MECOM: variants seen among roughly 807,000 people sequenced by gnomAD.
The protein encoded by MECOM is MDS1 and EVI1 complex locus.
In MECOM, 13 loss-of-function variants were observed where a neutral mutation model predicts 116.3. The observed-to-expected ratio is 0.11, with a 90% CI of 0.07 to 0.18. The LOEUF (loss-of-function observed/expected upper bound fraction) is 0.18. Ranked by LOEUF, MECOM falls within the 10% of genes least tolerant of loss-of-function variation. MECOM has a pLI of 1.00. For missense variants in MECOM, 1,299 were observed against 1,509.0 expected, an observed-to-expected ratio of 0.86 and a Z score of 2.31; for synonymous variants, 528 against 535.2, an observed-to-expected ratio of 0.99 and a Z score of 0.19.
intron 12 of MECOM, among the ~76,000 whole-genome samples, chr3:169,099,804 G>A (rs924710589): frequency 6.6e-6 from 1 of 151,928 alleles, no homozygotes; most frequent in Non-Finnish European, 1.5e-5. Flanking sequence ...TGTGTGCAAG[G>A]CATTGAACAT....
intron 15 of MECOM, 122 bp downstream of exon 15, chr3:169,089,878 C>A: frequency 7.0e-7 from 1 of 1,430,038 alleles, no homozygotes; most frequent in Non-Finnish European, 9.3e-7. Context: ...CACCATGTAT[C>A]CCTTACTAAT....
At chr3:169,240,941 G>A (rs1754719395) in intron 2 of MECOM, among the ~76,000 whole-genome samples, 1 of 152,116 alleles carries the variant, frequency 6.6e-6, no homozygotes, top group African/African-American at 2.4e-5. Flanking sequence ...TGCCCTCTCC[G>A]TGTGGACCTG....
chr3:169,408,268 T>C (rs182833441), intron 1 of MECOM, among the ~76,000 whole-genome samples: 37 of 152,300 alleles, frequency 2.4e-4, no homozygotes, highest in Admixed American at 2.0e-3. Context: ...GATGAGCACC[T>C]TTGAACTCTA....
At chr3:169,150,697 A>G (rs1337880952) in intron 2 of MECOM, among the ~76,000 whole-genome samples, 1 of 152,184 alleles carries the variant, frequency 6.6e-6, no homozygotes, top group Non-Finnish European at 1.5e-5. Context: ...TTTTAAAAAC[A>G]TTTTTCCAGA....
chr3:169,401,809 A>G (rs896415720), intron 1 of MECOM, among the ~76,000 whole-genome samples: 7 of 152,228 alleles, frequency 4.6e-5, no homozygotes, highest in Non-Finnish European at 1.0e-4. Flanking sequence ...ATTCCTCAGT[A>G]TTGTCTGACT....
In MECOM at chr3:169,550,010, G is replaced by A. The variant is rs575817850; in HGVS notation, c.37+113326C>T. ...AGGAAAGGTGAGAAATCTCCATACG[G>A]ATTGGAAAGATAAGGGGAAAATAAG... On this transcript the variant is annotated intron_variant, in intron 1 of 16. Transcript: ENST00000651503. Among the ~76,000 whole-genome samples the A allele has an allele frequency of 2.0e-5, 3 of 152,240 alleles. 1 individual carries two copies. The South Asian group carries it at 6.2e-4, about 32-fold the overall frequency.
At chr3:169,228,850 T>C (rs1577402487) in intron 2 of MECOM, among the ~76,000 whole-genome samples, 1 of 152,180 alleles carries the variant, frequency 6.6e-6, no homozygotes, top group East Asian at 1.9e-4. Flanking sequence ...GTTTAAGGCT[T>C]TTTATGCTTT....
chr3:169,219,653 T>A (rs1751865866), intron 2 of MECOM, among the ~76,000 whole-genome samples: 1 of 152,246 alleles, frequency 6.6e-6, no homozygotes, highest in South Asian at 2.1e-4. Context: ...GCTACATATG[T>A]AGGGGTGGGT....
chr3:169,380,707 G>A (rs1030298105), intron 2 of MECOM, among the ~76,000 whole-genome samples: 19 of 152,056 alleles, frequency 1.2e-4, no homozygotes, highest in African/African-American at 4.3e-4. Flanking sequence ...TATCAAAAGA[G>A]AGGCAAAATA....
intron 10 of MECOM, among the ~76,000 whole-genome samples, chr3:169,103,569 C>G (rs1403590414): frequency 6.6e-6 from 1 of 152,168 alleles, no homozygotes; most frequent in Non-Finnish European, 1.5e-5. Context: ...CACATAAGAA[C>G]TGAGATGATC....
intron 2 of MECOM, among the ~76,000 whole-genome samples, chr3:169,208,895 C>CA (rs11377362): frequency 0.21 from 27,578 of 133,982 alleles, 2,651 homozygotes; most frequent in East Asian, 0.32. Flanking sequence ...CAATCGTAAG[C>CA]AAAAAAAAAA....
intron 1 of MECOM, among the ~76,000 whole-genome samples, chr3:169,430,841 G>T (rs935943248): frequency 2.6e-5 from 4 of 152,118 alleles, no homozygotes; most frequent in Admixed American, 2.0e-4. Flanking sequence ...GTTTACCTTT[G>T]CTTTCATTTC....
intron 1 of MECOM, among the ~76,000 whole-genome samples, chr3:169,543,847 A>G (rs1344924435): frequency 2.0e-5 from 3 of 152,090 alleles, no homozygotes; most frequent in Non-Finnish European, 4.4e-5. Context: ...ACTTGAGGGG[A>G]AAAAATCAGT....
intron 1 of MECOM, among the ~76,000 whole-genome samples, chr3:169,627,917 A>G (rs1487017910): frequency 6.6e-6 from 1 of 152,232 alleles, no homozygotes; most frequent in African/African-American, 2.4e-5. Context: ...AGATTTGAGC[A>G]GTGCTGTGGT....
intron 2 of MECOM, among the ~76,000 whole-genome samples, chr3:169,224,180 G>A (rs192574553): frequency 4.6e-5 from 7 of 152,220 alleles, no homozygotes; most frequent in African/African-American, 1.2e-4. Flanking sequence ...GATAGAGAAC[G>A]TCAGCTCCTG....
intron 1 of MECOM, among the ~76,000 whole-genome samples, chr3:169,405,630 A>C (rs1452616714): frequency 1.3e-5 from 2 of 152,220 alleles, no homozygotes; most frequent in Non-Finnish European, 2.9e-5. Context: ...CCATATTTAG[A>C]AATACAGCTA....
intron 2 of MECOM, among the ~76,000 whole-genome samples, chr3:169,271,755 T>A (rs28602954): frequency 3.3e-5 from 5 of 152,078 alleles, no homozygotes; most frequent in East Asian, 1.9e-4. Flanking sequence ...CTTAAAATTT[T>A]AAAAAAAGAA....
chr3:169,107,841 T>C, intron 10 of MECOM, 85 bp downstream of exon 10: 1 of 1,116,698 alleles, frequency 9.0e-7, no homozygotes, highest in Non-Finnish European at 1.3e-6. Flanking sequence ...CAGAATTATT[T>C]ATGTCTGTAC....
chr3:169,168,337 C>CTTTTTTTTTTTT (rs1166736467), intron 2 of MECOM, among the ~76,000 whole-genome samples: 5 of 108,458 alleles, frequency 4.6e-5, no homozygotes, highest in Non-Finnish European at 7.7e-5. Flanking sequence ...ACTTGGCCTG[C>CTTTTTTTTTTTT]TTTTTTTTTT....
Sources: allele counts gnomAD v4.1 joint callset (sites outside exome capture counted in the v4.1 genomes callset), GRCh38; gene constraint gnomAD v4.1.1; transcripts MANE v1.5; gene names NCBI Gene and HGNC (gene_info 2026-07-23, HGNC 2026-07-21).